The following MCCC1 variants were observed in gnomAD, a reference collection of about 807,000 sequenced individuals.
The protein encoded by MCCC1 is methylcrotonyl-CoA carboxylase subunit 1, also known as methylcrotonoyl-CoA carboxylase subunit alpha, mitochondrial.
MCCC1 carries 64 observed loss-of-function variants against 83.8 expected under a neutral mutation model. The observed-to-expected ratio is 0.76, with a 90% CI of 0.62 to 0.94. The LOEUF is 0.94. Among genes scored for constraint, MCCC1 ranks in the 40% least tolerant of loss-of-function variants. The pLI is 0.00. For synonymous variants in MCCC1, 322 were observed against 315.4 expected (o/e 1.02, Z -0.22); for missense variants, 807 against 904.7 (o/e 0.89, Z 1.39).
rs375340389 is a variant in MCCC1, at chr3:183,057,777, T to C, written c.762-355A>G. Among the ~76,000 whole-genome samples the C allele has an allele frequency of 5.6e-4, 85 of 152,200 alleles. 2 individuals are homozygous for C. The South Asian group carries it at 0.014, about 25-fold the overall frequency. ...GTCCCAGCTACTCAGGAGGCTGAGG[T>C]AGGAGGATCACCTGAGCCCAGAAGG... On this transcript the variant is annotated intron_variant, in intron 7 of 18. Transcript: ENST00000265594.
At chr3:183,035,392 T>A (rs1278554478) in intron 13 of MCCC1, among the ~76,000 whole-genome samples, 1 of 152,210 alleles carries the variant, frequency 6.6e-6, no homozygotes, top group Non-Finnish European at 1.5e-5. Context: ...CTATCTTGAA[T>A]GAATCTAAAT....
In MCCC1 at chr3:183,093,239, G is replaced by A. The variant is rs146341709; in HGVS notation, c.137-694C>T. On this transcript the variant is annotated intron_variant, in intron 2 of 18. Coordinates refer to ENST00000265594, the MANE Select transcript of MCCC1 (RefSeq NM_020166.5). The stretch of plus-strand genomic sequence containing the variant: ...AAGCACTTTCTGTGCCTCAGGTCCT[G>A]TGCTAAAGACTCAACATCGACTTAA... 5.1e-3 allele frequency among the ~76,000 whole-genome samples: 776 copies of A among 152,252 alleles called. 1 individual carries two copies. The highest frequency in any genetic ancestry group is 8.4e-3 in the Non-Finnish European group (572 of 68,024).
chr3:183,106,503 TTTC>T (rs1168244685), intron 1 of MCCC1, among the ~76,000 whole-genome samples: 1 of 151,514 alleles, frequency 6.6e-6, no homozygotes, highest in Non-Finnish European at 1.5e-5. Context: ...TCTTTCTTTC[TTTC>T]TTTCTTTTTT....
chr3:183,018,957 G>A (rs891087405), intron 17 of MCCC1, among the ~76,000 whole-genome samples: 2 of 152,140 alleles, frequency 1.3e-5, no homozygotes, highest in Admixed American at 6.5e-5. Flanking sequence ...TCTCACTTTC[G>A]TTTTGGTTAA....
At chr3:183,046,144 A>G (rs866246765) in intron 9 of MCCC1, among the ~76,000 whole-genome samples, 1 of 152,346 alleles carries the variant, frequency 6.6e-6, no homozygotes, top group South Asian at 2.1e-4. Flanking sequence ...ACAGAACCAC[A>G]ATGAAACTAC....
chr3:183,086,878 TG>T, intron 3 of MCCC1, 90 bp from the exon 4 acceptor site: 1 of 1,207,300 alleles, frequency 8.3e-7, no homozygotes, highest in Non-Finnish European at 1.2e-6. Context: ...ATTTTATTAT[TG>T]TAAATAAAAA....
At position 183,072,352 on chromosome 3, in the gene MCCC1, A is replaced by C. The variant is rs746847354; in HGVS notation, c.491+14T>G. The C allele has an allele frequency of 1.2e-5, 19 of 1,613,352 alleles. No homozygotes were observed. The South Asian group carries it at 2.0e-4, about 17-fold the overall frequency. On this transcript the variant is annotated intron_variant, in intron 5 of 18. Coordinates refer to ENST00000265594, the MANE Select transcript of MCCC1 (RefSeq NM_020166.5). ...CCTTCATACAGTTATATTTTAAAAG[A>C]TATAAACTCATACCTCTTTATACCC...
intron 14 of MCCC1, among the ~76,000 whole-genome samples, chr3:183,031,870 T>C (rs1038938976): frequency 1.3e-5 from 2 of 151,838 alleles, no homozygotes; most frequent in South Asian, 4.2e-4. Context: ...GATCTCACTA[T>C]GTCACCTAGG....
intron 16 of MCCC1, among the ~76,000 whole-genome samples, chr3:183,021,950 C>G (rs11928508): frequency 0.5 from 76,546 of 151,920 alleles, 24,027 homozygotes; most frequent in Non-Finnish European, 0.71. Context: ...CAAGAGACCA[C>G]CAGTAATGCC....
chr3:183,061,120 G>T (rs1715801002), intron 7 of MCCC1, among the ~76,000 whole-genome samples: 1 of 152,146 alleles, frequency 6.6e-6, no homozygotes, highest in Admixed American at 6.5e-5. Flanking sequence ...GTAAATTTTG[G>T]AGGGATACAA....
At chr3:183,020,383 G>A in intron 16 of MCCC1, 146 bp from the exon 17 acceptor site, 2 of 702,730 alleles carry the variant, frequency 2.8e-6, no homozygotes, top group South Asian at 3.1e-5. Flanking sequence ...TGTAAACCCA[G>A]CACTTTGGGA....
At chr3:183,017,035 T>C (rs1417067038) in intron 18 of MCCC1, 1 of 563,624 alleles carries the variant, frequency 1.8e-6, no homozygotes, top group African/African-American at 1.9e-5. Context: ...TCCAAGCTAT[T>C]GATAATTTCA....
Position 183,041,663 on chromosome 3 carries a change from G to T in MCCC1, c.1171C>A (p.Pro391Thr). 6.2e-7 allele frequency: 1 copy of T among 1,614,186 alleles called. No homozygotes were observed. Among genetic ancestry groups the T allele is most frequent in the Non-Finnish European group, 8.5e-7 (1 of 1,180,020 alleles). ...AFEARIYAED[P>T]SNNFMPVAGP... ...GCCACAGGCATGAAGTTATTGCTAG[G>T]ATCTTCTGCATATATTCTAGCTTCG... is the stretch of plus-strand genomic sequence containing the variant. The change falls in exon 11 of 19, where the codon CCT becomes ACT. Residue 391 changes from proline (P) to threonine (T), a missense_variant. By Grantham distance (38) the Pro-to-Thr change is conservative. Coordinates refer to ENST00000265594, the MANE Select transcript of MCCC1 (RefSeq NM_020166.5).
chr3:183,083,522 C>G (rs1717670294), intron 4 of MCCC1, among the ~76,000 whole-genome samples: 1 of 151,946 alleles, frequency 6.6e-6, no homozygotes, highest in African/African-American at 2.4e-5. Flanking sequence ...TTTAAAAATA[C>G]TGTCTGAAAG....
intron 7 of MCCC1, among the ~76,000 whole-genome samples, chr3:183,058,281 A>T (rs1373688343): frequency 4.6e-5 from 7 of 152,206 alleles, no homozygotes; most frequent in African/African-American, 1.7e-4. Flanking sequence ...AATATGGACC[A>T]TTAGTATCTC....
At chr3:183,017,144 T>C in intron 18 of MCCC1, 122 bp downstream of exon 18, 1 of 911,218 alleles carries the variant, frequency 1.1e-6, no homozygotes, top group East Asian at 2.4e-5. Flanking sequence ...CTACAATTAA[T>C]GCTTCGTCAA....
intron 9 of MCCC1, among the ~76,000 whole-genome samples, chr3:183,050,092 C>A (rs1484937055): frequency 6.6e-6 from 1 of 151,666 alleles, no homozygotes; most frequent in Non-Finnish European, 1.5e-5. Context: ...GTGGCTCACG[C>A]CTGTAATCCC....
Position 183,015,241 on chromosome 3 carries a change from C to A in MCCC1, c.*197G>T. The stretch of plus-strand genomic sequence containing the variant: ...CATTGGCTTCCAATAAAAAATAATT[C>A]AACTTTATTAGTATGAAATATTTTG... On this transcript the variant is annotated 3_prime_UTR_variant, in exon 19 of 19. Transcript: ENST00000265594. 1.6e-6 allele frequency: 1 copy of A among 625,870 alleles called. No individual in the cohort carries two copies. Among genetic ancestry groups the A allele is most frequent in the Non-Finnish European group, 2.8e-6 (1 of 358,348 alleles). The allele number at this position is 625,870 out of a possible 1,614,324, so 38.8% of individuals were successfully genotyped here.
intron 10 of MCCC1, 131 bp downstream of exon 10, chr3:183,045,282 A>G: frequency 9.6e-7 from 1 of 1,041,510 alleles, no homozygotes. Flanking sequence ...GTTTCACCAC[A>G]TTGGCCAGGC....
Sources: allele counts gnomAD v4.1 joint callset (sites outside exome capture counted in the v4.1 genomes callset), GRCh38; gene constraint gnomAD v4.1.1; transcripts MANE v1.5; gene names NCBI Gene and HGNC (gene_info 2026-07-23, HGNC 2026-07-21).